ACTR3: variants seen among roughly 807,000 people sequenced by gnomAD.
ACTR3 encodes actin-related protein 3.
ACTR3 carries 12 observed loss-of-function variants against 56.8 expected under a neutral mutation model. That is an observed-to-expected ratio of 0.21 (90% CI 0.14 to 0.34). ACTR3 has a LOEUF of 0.34. Ranked by LOEUF, ACTR3 falls within the 10% of genes least tolerant of loss-of-function variation. The pLI is 1.00. For synonymous variants in ACTR3, 162 were observed against 167.4 expected (o/e 0.97, Z 0.25); for missense variants, 282 against 512.5 (o/e 0.55, Z 4.34).
intron 1 of ACTR3, among the ~76,000 whole-genome samples, chr2:113,911,818 C>T (rs1679311155): frequency 6.6e-6 from 1 of 151,366 alleles, no homozygotes; most frequent in African/African-American, 2.4e-5. Flanking sequence ...CTCACTGCAA[C>T]CTCCGCCTCC....
chr2:113,916,618 A>G (rs73957425), intron 2 of ACTR3, among the ~76,000 whole-genome samples: 6,918 of 152,236 alleles, frequency 0.045, 514 homozygotes, highest in African/African-American at 0.16. Context: ...ATATAATTTA[A>G]AAAATATATA....
intron 1 of ACTR3, among the ~76,000 whole-genome samples, chr2:113,910,781 T>TTA (rs1679292742): frequency 6.6e-6 from 1 of 152,224 alleles, no homozygotes; most frequent in South Asian, 2.1e-4. Context: ...TTTAGGTATA[T>TTA]TATTCTCTTG....
chr2:113,899,525 A>G (rs1328509048), intron 1 of ACTR3, among the ~76,000 whole-genome samples: 1 of 152,236 alleles, frequency 6.6e-6, no homozygotes. Flanking sequence ...AATATGTGTG[A>G]AATAATTATG....
chr2:113,943,840 G>A (rs560780565), intron 8 of ACTR3, among the ~76,000 whole-genome samples: 1 of 152,310 alleles, frequency 6.6e-6, no homozygotes, highest in East Asian at 1.9e-4. Flanking sequence ...ACACTTGGGT[G>A]TTGTAAAGTC....
rs568269733 is a variant in ACTR3 at position 113,924,708 on chromosome 2, C to T, written c.226-2637C>T. Among the ~76,000 whole-genome samples the T allele has an allele frequency of 2.0e-5, 3 of 151,516 alleles. No homozygotes were observed. In the South Asian group the frequency reaches 6.2e-4, roughly 31 times the overall value. On this transcript the variant is annotated intron_variant, in intron 3 of 11. Coordinates refer to ENST00000263238, the MANE Select transcript of ACTR3 (RefSeq NM_005721.5). ...TAACTTCAGTTTTGTTTTTGTATAC[C>T]ATGCAGTGTTTGTCTTTCTATACAT...
At chr2:113,921,453 C>T (rs375529381) in intron 3 of ACTR3, among the ~76,000 whole-genome samples, 2 of 151,874 alleles carry the variant, frequency 1.3e-5, no homozygotes, top group East Asian at 3.9e-4. Context: ...TGGTTTTCCT[C>T]ACAGAAGCAT....
intron 5 of ACTR3, among the ~76,000 whole-genome samples, chr2:113,933,677 ATTTTTTT>A (rs1167918809): frequency 2.4e-5 from 3 of 123,850 alleles, no homozygotes; most frequent in Admixed American, 8.1e-5. Context: ...GTTCTATACA[ATTTTTTT>A]TTTTTTTTTT....
intron 8 of ACTR3, 145 bp downstream of exon 8, chr2:113,942,504 C>A: frequency 1.7e-6 from 1 of 601,784 alleles, no homozygotes; most frequent in Non-Finnish European, 2.5e-6. Flanking sequence ...ATTTTATGAA[C>A]TTTTTAAAGA....
intron 3 of ACTR3, among the ~76,000 whole-genome samples, chr2:113,925,345 A>G (rs770124828): frequency 3.0e-4 from 45 of 148,774 alleles, no homozygotes; most frequent in Admixed American, 1.1e-3. Flanking sequence ...ATAGGCATGC[A>G]CCACCACGCC....
At chr2:113,936,997 C>A (rs1679839794) in intron 6 of ACTR3, among the ~76,000 whole-genome samples, 1 of 152,154 alleles carries the variant, frequency 6.6e-6, no homozygotes, top group African/African-American at 2.4e-5. Context: ...ACTTTGAATA[C>A]CCTATCTCCA....
intron 8 of ACTR3, among the ~76,000 whole-genome samples, chr2:113,947,982 A>C (rs1680051796): frequency 6.6e-6 from 1 of 152,064 alleles, no homozygotes; most frequent in Admixed American, 6.5e-5. Context: ...CATGGTTTAA[A>C]AGTCTTGGTC....
chr2:113,896,547 G>A (rs1034931125), intron 1 of ACTR3, among the ~76,000 whole-genome samples: 4 of 152,198 alleles, frequency 2.6e-5, no homozygotes, highest in African/African-American at 9.7e-5. Flanking sequence ...GGAATTTGTT[G>A]TTGAATTTGG....
chr2:113,958,465 T>C lies in ACTR3; in HGVS notation c.*1010T>C, dbSNP rs1680263750. ...TTGATATTTTCATTTGTATAACTCA[T>C]TTGCAGTCTGAAAATTTTTTTTAGT... On this transcript the variant is annotated 3_prime_UTR_variant, in exon 12 of 12. Transcript: ENST00000263238. The C allele has an allele frequency of 6.6e-6, 1 of 152,568 alleles. No homozygotes were observed. Among genetic ancestry groups the C allele is most frequent in the South Asian group, 2.1e-4 (1 of 4,832 alleles). 9.5% of individuals were successfully genotyped at this position (152,568 alleles called of 1,614,324 possible).
Position 113,934,381 on chromosome 2 carries a change from C to A in ACTR3, c.535C>A (p.Pro179Thr). ...DSGDGVTHVI[P>T]VAEGYVIGSC... is the part of the protein sequence containing the mutation. ...TGGAGATGGTGTCACTCATGTCATT[C>A]CTGTGGTAAGGCTATTTTACAGTTA... Residue 179 changes from proline (P) to threonine (T), a missense_variant, in exon 6 of 12, where the codon CCT (proline) becomes ACT (threonine). Coordinates refer to ENST00000263238, the MANE Select transcript of ACTR3 (RefSeq NM_005721.5). 1 of 1,576,988 alleles carries A rather than the reference C, an allele frequency of 6.3e-7. No individual in the cohort carries two copies. Among genetic ancestry groups the A allele is most frequent in the Non-Finnish European group, 8.6e-7 (1 of 1,162,998 alleles).
chr2:113,914,455 A>AC (rs1197170660), intron 2 of ACTR3, among the ~76,000 whole-genome samples: 5 of 152,184 alleles, frequency 3.3e-5, no homozygotes, highest in African/African-American at 1.2e-4. Context: ...TACTAAAAAT[A>AC]CAAAAATTAG....
At position 113,942,218 on chromosome 2, in the gene ACTR3, A is replaced by C. The variant is rs1179994173; in HGVS notation, c.717A>C (p.Val239=). The C allele has an allele frequency of 4.4e-6, 7 of 1,586,116 alleles. No homozygotes were observed. Among genetic ancestry groups the C allele is most frequent in the Non-Finnish European group, 6.0e-6 (7 of 1,171,362 alleles). ...ATAGTTATGTCTGCCCAGATTTAGT[A>C]AAAGAATTTAACAAGTATGATACAG... ...ERYSYVCPDL[V]KEFNKYDTDG... is the part of the protein sequence containing the mutation. Residue 239 remains valine, a synonymous_variant, in exon 8 of 12, where the codon GTA becomes GTC. Transcript: ENST00000263238.
At chr2:113,893,173 A>T (rs1456046967) in intron 1 of ACTR3, among the ~76,000 whole-genome samples, 1 of 152,196 alleles carries the variant, frequency 6.6e-6, no homozygotes, top group Non-Finnish European at 1.5e-5. Context: ...TTTAAAAGGC[A>T]TTCACAAACA....
chr2:113,923,649 T>G (rs1679561571), intron 3 of ACTR3, among the ~76,000 whole-genome samples: 1 of 152,136 alleles, frequency 6.6e-6, no homozygotes, highest in Admixed American at 6.5e-5. Flanking sequence ...TTGTTTGTTT[T>G]TATTTGTTGT....
chr2:113,900,280 A>G (rs1679076008), intron 1 of ACTR3, among the ~76,000 whole-genome samples: 1 of 151,820 alleles, frequency 6.6e-6, no homozygotes, highest in Admixed American at 6.6e-5. Context: ...AGTAGCAGTC[A>G]CTCTCCGTTA....
Sources: allele counts gnomAD v4.1 joint callset (sites outside exome capture counted in the v4.1 genomes callset), GRCh38; gene constraint gnomAD v4.1.1; transcripts MANE v1.5; gene names NCBI Gene and HGNC (gene_info 2026-07-23, HGNC 2026-07-21).